The following XPR1 variants were observed in gnomAD, a reference collection of about 807,000 sequenced individuals.
XPR1 encodes the protein solute carrier family 53 member 1.
Under a neutral mutation model 87.5 loss-of-function variants are expected in XPR1, and 28 were observed. The observed-to-expected ratio is 0.32, with a 90% CI of 0.24 to 0.44. The LOEUF (loss-of-function observed/expected upper bound fraction) is 0.44, where lower values mean the gene tolerates loss of function less well. XPR1 is among the 20% of genes least tolerant of loss of function. The pLI is 1.00. For synonymous variants in XPR1, 300 were observed against 306.1 expected (o/e 0.98, Z 0.21); for missense variants, 559 against 862.3 (o/e 0.65, Z 4.41).
chr1:180,796,158 T>G (rs989094792), intron 3 of XPR1, among the ~76,000 whole-genome samples: 1 of 152,258 alleles, frequency 6.6e-6, no homozygotes, highest in East Asian at 1.9e-4. Flanking sequence ...TAGATCAAAG[T>G]ATACACTTTT....
At chr1:180,844,505 T>A (rs1426914831) in intron 11 of XPR1, among the ~76,000 whole-genome samples, 2 of 152,180 alleles carry the variant, frequency 1.3e-5, no homozygotes, top group Admixed American at 6.5e-5. Flanking sequence ...TAATAAATTG[T>A]ATGTGACTCT....
intron 2 of XPR1, among the ~76,000 whole-genome samples, chr1:180,752,486 C>G (rs1214055507): frequency 6.6e-6 from 1 of 151,988 alleles, no homozygotes; most frequent in Non-Finnish European, 1.5e-5. Context: ...TACCAAAAGT[C>G]TTAGCTTATG....
At chr1:180,688,131 A>C (rs1306078637) in intron 2 of XPR1, among the ~76,000 whole-genome samples, 1 of 149,696 alleles carries the variant, frequency 6.7e-6, no homozygotes, top group African/African-American at 2.5e-5. Context: ...GCTCGCTGCA[A>C]CTTCCGCCTC....
chr1:180,888,629 CT>C lies in XPR1; in HGVS notation c.*4568del, dbSNP rs1261674719. On this transcript the variant is annotated 3_prime_UTR_variant, in exon 15 of 15. Coordinates refer to ENST00000367590, the MANE Select transcript of XPR1 (RefSeq NM_004736.4). ...CCAATTTATCAGCTTTGTTCATATT[CT>C]TTTTCTGAGTGATCTAAATTTTTCT... 6.6e-6 allele frequency: 1 copy of C among 151,914 alleles called. No individual in the cohort carries two copies. Among genetic ancestry groups the C allele is most frequent in the African/African-American group, 2.4e-5 (1 of 41,390 alleles). The allele number at this position is 151,914 out of a possible 1,614,324, so 9.4% of individuals were successfully genotyped here.
chr1:180,779,464 A>G (rs1648853391), intron 2 of XPR1, among the ~76,000 whole-genome samples: 1 of 152,200 alleles, frequency 6.6e-6, no homozygotes, highest in African/African-American at 2.4e-5. Context: ...TTTAAAGTGT[A>G]TAATTCAAGG....
chr1:180,778,736 G>C (rs576922504), intron 2 of XPR1, among the ~76,000 whole-genome samples: 1 of 152,036 alleles, frequency 6.6e-6, no homozygotes, highest in Non-Finnish European at 1.5e-5. Context: ...CAGTTTGATC[G>C]TGCTTTATAC....
At chr1:180,830,681 A>G (rs1170430665) in intron 9 of XPR1, among the ~76,000 whole-genome samples, 3 of 152,144 alleles carry the variant, frequency 2.0e-5, no homozygotes, top group Non-Finnish European at 2.9e-5. Flanking sequence ...CACATTTCCT[A>G]CTGTATAAGA....
chr1:180,704,262 ATATATATATATATATT>A (rs998562519), intron 2 of XPR1, among the ~76,000 whole-genome samples: 3 of 138,028 alleles, frequency 2.2e-5, no homozygotes, highest in East Asian at 4.3e-4. Flanking sequence ...ATATATATAT[ATATATATATATATATT>A]ATCAGATTAT....
intron 2 of XPR1, among the ~76,000 whole-genome samples, chr1:180,696,544 T>A (rs10914072): frequency 6.6e-6 from 1 of 151,954 alleles, no homozygotes; most frequent in East Asian, 1.9e-4. Context: ...ATGGTGAAAG[T>A]GGGCAAGAAT....
chr1:180,723,790 G>T (rs1024972675), intron 2 of XPR1, among the ~76,000 whole-genome samples: 4 of 151,962 alleles, frequency 2.6e-5, no homozygotes, highest in African/African-American at 9.7e-5. Context: ...ATTCATTCTA[G>T]GGTCATCCAG....
chr1:180,659,104 CTCCCTTCCTCCCTCCCTCCT>C (rs1655645240), intron 1 of XPR1, among the ~76,000 whole-genome samples: 1 of 134,754 alleles, frequency 7.4e-6, no homozygotes, highest in Admixed American at 7.1e-5. Flanking sequence ...CCCTCCCTCC[CTCCCTTCCTCCCTCCCTCCT>C]TCCCTCCCTC....
chr1:180,678,325 T>G (rs1656432411), intron 1 of XPR1, among the ~76,000 whole-genome samples: 1 of 151,914 alleles, frequency 6.6e-6, no homozygotes. Flanking sequence ...GTTCTAATCC[T>G]CTAATCACTT....
chr1:180,712,151 T>C (rs1657821441), intron 2 of XPR1, among the ~76,000 whole-genome samples: 1 of 152,222 alleles, frequency 6.6e-6, no homozygotes, highest in African/African-American at 2.4e-5. Context: ...AGACTAACAA[T>C]AATAAAATAT....
chr1:180,781,386 G>A (rs1210736387), intron 2 of XPR1, among the ~76,000 whole-genome samples: 2 of 151,974 alleles, frequency 1.3e-5, no homozygotes, highest in Admixed American at 1.3e-4. Context: ...AAATTTGAAT[G>A]GAACATTAAA....
chr1:180,840,362 G>A (rs1388174932), intron 11 of XPR1, among the ~76,000 whole-genome samples: 1 of 151,950 alleles, frequency 6.6e-6, no homozygotes, highest in East Asian at 1.9e-4. Flanking sequence ...ACAAAAAGAG[G>A]GAGGGCAGAT....
rs79693231 is a variant in XPR1, at chr1:180,694,871, G to T, written c.121+12460G>T. ...GCTATTGTGAATAGTGCTGCAATAT[G>T]CATGTTGGTGCTGATATCCCTTTGA... On this transcript the variant is annotated intron_variant, in intron 2 of 14. Coordinates refer to ENST00000367590, the MANE Select transcript of XPR1 (RefSeq NM_004736.4). Among the ~76,000 whole-genome samples, 1,188 of 152,112 alleles carry T rather than the reference G, an allele frequency of 7.8e-3. 17 individuals are homozygous for T. Among genetic ancestry groups the T allele is most frequent in the African/African-American group, 0.027 (1,135 of 41,498 alleles).
intron 2 of XPR1, among the ~76,000 whole-genome samples, chr1:180,711,487 G>A (rs1034954046): frequency 6.6e-6 from 1 of 152,126 alleles, no homozygotes; most frequent in East Asian, 1.9e-4. Flanking sequence ...CGCGGCGCGC[G>A]CCTGCAATTG....
At chr1:180,774,144 T>C (rs1315129971) in intron 2 of XPR1, among the ~76,000 whole-genome samples, 1 of 152,130 alleles carries the variant, frequency 6.6e-6, no homozygotes, top group African/African-American at 2.4e-5. Flanking sequence ...TGAAGAATAC[T>C]GAAATGTCCC....
chr1:180,852,749 A>G (rs1208680169), intron 11 of XPR1, among the ~76,000 whole-genome samples: 2 of 151,720 alleles, frequency 1.3e-5, no homozygotes, highest in African/African-American at 2.4e-5. Flanking sequence ...GAGGTCTCCA[A>G]CTCCTGGACT....
Sources: allele counts gnomAD v4.1 joint callset (sites outside exome capture counted in the v4.1 genomes callset), GRCh38; gene constraint gnomAD v4.1.1; transcripts MANE v1.5; gene names NCBI Gene and HGNC (gene_info 2026-07-23, HGNC 2026-07-21).